The following DMD variants were observed in gnomAD, a reference collection of about 807,000 sequenced individuals.
DMD encodes the protein mutant dystrophin.
Under a neutral mutation model 330.1 loss-of-function variants are expected in DMD, and 63 were observed. The observed-to-expected ratio is 0.19, with a 90% confidence interval of 0.16 to 0.24. The LOEUF (loss-of-function observed/expected upper bound fraction) is 0.24, where lower values mean the gene tolerates loss of function less well. Ranked by LOEUF, DMD falls within the 10% of genes least tolerant of loss-of-function variation. The pLI, the probability that DMD is intolerant of heterozygous loss-of-function variation, is 1.00. For missense variants in DMD, 3,344 were observed against 2,684.1 expected, an observed-to-expected ratio of 1.25 and a Z score of -5.43; for synonymous variants, 1,223 against 959.8, an observed-to-expected ratio of 1.27 and a Z score of -5.07.
chrX:31,915,720 A>T (rs1035077637), intron 47 of DMD, among the ~76,000 whole-genome samples: 11 of 111,822 alleles, frequency 9.8e-5, no homozygotes, highest in African/African-American at 3.6e-4. Flanking sequence ...CCTCTAGACT[A>T]TTGGCTTTTG....
chrX:33,058,353 C>T (rs1399764155), intron 1 of DMD, among the ~76,000 whole-genome samples: 4 of 111,549 alleles, frequency 3.6e-5, no homozygotes, highest in Admixed American at 1.9e-4. Flanking sequence ...GGTGCAATCA[C>T]GGCTCCCTGC....
chrX:32,148,772 T>C (rs1440465707), intron 44 of DMD, among the ~76,000 whole-genome samples: 2 of 111,834 alleles, frequency 1.8e-5, no homozygotes, highest in Non-Finnish European at 3.8e-5. Context: ...ATGAAATTTA[T>C]GTATATCACT....
chrX:32,066,079 G>A (rs777646004), intron 44 of DMD, among the ~76,000 whole-genome samples: 1 of 111,308 alleles, frequency 9.0e-6, no homozygotes, highest in East Asian at 2.8e-4. Context: ...CTTCACAGGT[G>A]TACTTTGAAT....
intron 62 of DMD, among the ~76,000 whole-genome samples, chrX:31,264,429 GAAC>G (rs1279977241): frequency 4.5e-5 from 5 of 112,051 alleles, no homozygotes; most frequent in African/African-American, 1.6e-4. Context: ...GCCTTTCTGA[GAAC>G]AACAATGTTC....
At chrX:33,318,505 T>C (rs1239047148) in intron 1 of DMD, among the ~76,000 whole-genome samples, 2 of 107,735 alleles carry the variant, frequency 1.9e-5, no homozygotes, top group African/African-American at 6.8e-5. Context: ...TGAAGTGCAG[T>C]GACACCATTT....
chrX:32,526,747 TAAG>T (rs1375205103), intron 17 of DMD, among the ~76,000 whole-genome samples: 1 of 112,161 alleles, frequency 8.9e-6, no homozygotes, highest in Admixed American at 9.5e-5. Context: ...GTTTGCCATT[TAAG>T]AAGTTGTCAA....
At chrX:32,617,100 A>G (rs2057642296) in intron 11 of DMD, among the ~76,000 whole-genome samples, 1 of 110,707 alleles carries the variant, frequency 9.0e-6, no homozygotes, top group Non-Finnish European at 1.9e-5. Context: ...ACAGAACCTA[A>G]GCACAAATGG....
At chrX:32,014,716 C>T (rs184629950) in intron 44 of DMD, among the ~76,000 whole-genome samples, 1 of 111,605 alleles carries the variant, frequency 9.0e-6, no homozygotes, top group Non-Finnish European at 1.9e-5. Context: ...CACGAAGAAC[C>T]CTGAAAGAAC....
chrX:32,757,092 T>C (rs2071600366), intron 7 of DMD, among the ~76,000 whole-genome samples: 1 of 111,915 alleles, frequency 8.9e-6, no homozygotes, highest in African/African-American at 3.2e-5. Context: ...ATTTATAGTA[T>C]ACAATATATC....
At chrX:31,691,319 C>T (rs1038931746) in intron 52 of DMD, among the ~76,000 whole-genome samples, 1 of 111,131 alleles carries the variant, frequency 9.0e-6, no homozygotes, top group African/African-American at 3.3e-5. Flanking sequence ...TATACTACTA[C>T]ACAAAACCAT....
intron 1 of DMD, among the ~76,000 whole-genome samples, chrX:33,331,045 A>G (rs2054165811): frequency 1.8e-5 from 2 of 112,459 alleles, no homozygotes; most frequent in South Asian, 7.3e-4. Context: ...TATCTTAGTC[A>G]TCTTGCTCTA....
intron 59 of DMD, among the ~76,000 whole-genome samples, chrX:31,460,088 C>T (rs994583276): frequency 2.7e-5 from 3 of 111,798 alleles, no homozygotes; most frequent in Non-Finnish European, 5.6e-5. Context: ...TAGTTTATCC[C>T]ATAATTCTCT....
At chrX:33,292,002 T>C (rs2053519346) in intron 1 of DMD, among the ~76,000 whole-genome samples, 1 of 111,883 alleles carries the variant, frequency 8.9e-6, no homozygotes, top group Non-Finnish European at 1.9e-5. Context: ...TTTATAAGAA[T>C]GTATGTATTC....
chrX:31,508,736 T>C (rs1423767849), intron 55 of DMD, among the ~76,000 whole-genome samples: 1 of 111,550 alleles, frequency 9.0e-6, no homozygotes, highest in Non-Finnish European at 1.9e-5. Context: ...AAAAATTCAT[T>C]CTGAAGCTCC....
At chrX:31,812,547 C>A (rs111840697) in intron 50 of DMD, among the ~76,000 whole-genome samples, 4,408 of 109,150 alleles carry the variant, frequency 0.04, 236 homozygotes, top group African/African-American at 0.14. Context: ...TGCACATGTA[C>A]CCTAAAACTT....
chrX:32,978,546 T>TG (rs1258145780), intron 2 of DMD, among the ~76,000 whole-genome samples: 6 of 111,173 alleles, frequency 5.4e-5, no homozygotes, highest in Non-Finnish European at 7.6e-5. Flanking sequence ...CTCGGCTCGA[T>TG]GCAACCTCCG....
Position 31,692,915 on chromosome X carries a change from A to C in DMD, c.7661-13329T>G, listed in dbSNP as rs1233649158. 2.7e-5 allele frequency among the ~76,000 whole-genome samples: 3 copies of C among 111,674 alleles called. No homozygotes were observed. In the Admixed American group the frequency reaches 2.9e-4, roughly 11 times the overall value. On this transcript the variant is annotated intron_variant, in intron 52 of 78. Coordinates refer to ENST00000357033, the MANE Select transcript of DMD (RefSeq NM_004006.3). Reference sequence around the variant, plus strand: ...ACTAAAGAGGAAGGGATTCGTCCAAATTTATTTTACAAGGCCAGCAATACC... The same window carrying C: ...ACTAAAGAGGAAGGGATTCGTCCAACTTTATTTTACAAGGCCAGCAATACC...
intron 1 of DMD, among the ~76,000 whole-genome samples, chrX:33,284,803 G>A (rs2053404878): frequency 1.0e-5 from 1 of 96,761 alleles, no homozygotes; most frequent in Non-Finnish European, 2.1e-5. Context: ...TCTCATTAAA[G>A]GTATTGATCT....
intron 2 of DMD, among the ~76,000 whole-genome samples, chrX:32,976,672 G>A (rs1732771158): frequency 9.0e-6 from 1 of 111,459 alleles, no homozygotes; most frequent in East Asian, 2.8e-4. Flanking sequence ...ACCTGCATAC[G>A]TCAGCATTTC....
Sources: gnomAD v4.1 joint callset for allele counts (sites outside exome capture counted in the v4.1 genomes callset) on GRCh38, gnomAD v4.1.1 for gene constraint, MANE v1.5 for transcripts, NCBI Gene and HGNC (gene_info 2026-07-23, HGNC 2026-07-21) for gene names.